The following FSTL1 variants were observed in gnomAD, a reference collection of about 807,000 sequenced individuals.
FSTL1 encodes the protein follistatin like 1.
In FSTL1, 24 loss-of-function variants were observed where a neutral mutation model predicts 45.9. The ratio of observed to expected loss-of-function variants is 0.52; its 90% CI spans 0.38 to 0.74. FSTL1 has a LOEUF of 0.74. Among genes scored for constraint, FSTL1 ranks in the 30% least tolerant of loss-of-function variants. FSTL1 has a pLI of 0.00. For synonymous variants in FSTL1, 120 were observed against 137.6 expected (o/e 0.87, Z 0.89); for missense variants, 340 against 381.8 (o/e 0.89, Z 0.91).
intron 2 of FSTL1, among the ~76,000 whole-genome samples, chr3:120,431,399 T>C (rs963753711): frequency 6.6e-6 from 1 of 152,260 alleles, no homozygotes; most frequent in Non-Finnish European, 1.5e-5. Context: ...TATTTTAGAC[T>C]TTTTTCATAC....
intron 7 of FSTL1, among the ~76,000 whole-genome samples, chr3:120,403,940 A>AAC (rs1936886950): frequency 2.3e-5 from 2 of 85,604 alleles, no homozygotes; most frequent in Admixed American, 1.1e-4. Context: ...AAAAAAAAAA[A>AAC]AAAACAAAAA....
chr3:120,413,871 C>T (rs1433348828), intron 3 of FSTL1, among the ~76,000 whole-genome samples: 4 of 129,184 alleles, frequency 3.1e-5, no homozygotes, highest in Non-Finnish European at 6.6e-5. Flanking sequence ...GCTGCCATCT[C>T]GGCTCACTGC....
intron 2 of FSTL1, among the ~76,000 whole-genome samples, chr3:120,436,286 G>GT (rs1241942338): frequency 1.3e-5 from 2 of 152,198 alleles, no homozygotes; most frequent in African/African-American, 4.8e-5. Context: ...TAAGTCTGCA[G>GT]TGAGTACTGA....
At chr3:120,450,799 T>A in intron 1 of FSTL1, 53 bp from the exon 2 acceptor site, 1 of 1,333,972 alleles carries the variant, frequency 7.5e-7, no homozygotes, top group African/African-American at 1.5e-5. Context: ...CGCGCTGACC[T>A]GGGAAACTTG....
intron 5 of FSTL1, chr3:120,410,093 A>G (rs1515577): frequency 0.42 from 67,501 of 159,114 alleles, 15,086 homozygotes; most frequent in Non-Finnish European, 0.48. Flanking sequence ...TCCCTTTCTC[A>G]CCAACTAGGT....
At chr3:120,424,746 G>C (rs1937346571) in intron 2 of FSTL1, among the ~76,000 whole-genome samples, 1 of 152,118 alleles carries the variant, frequency 6.6e-6, no homozygotes, top group Non-Finnish European at 1.5e-5. Context: ...GAGAGAGTCT[G>C]GGGGGCTGCC....
intron 4 of FSTL1, among the ~76,000 whole-genome samples, chr3:120,411,644 A>G (rs1937055261): frequency 6.6e-6 from 1 of 152,254 alleles, no homozygotes; most frequent in Admixed American, 6.5e-5. Flanking sequence ...CTGATATAGC[A>G]AACCCTGGGC....
In FSTL1 at chr3:120,450,747, C is replaced by T; in HGVS notation, c.1-1G>A. On this transcript the variant is annotated splice_acceptor_variant, in intron 1 of 10. Transcript: ENST00000295633. LOFTEE classifies it low-confidence loss of function (5UTR_SPLICE). Reference sequence around the variant, plus strand: ...CGAGCGCGAGCCAGCGTTTCCACATCTGCGGAAGAGAGAAGAGAGCGAGTC... The same window carrying T: ...CGAGCGCGAGCCAGCGTTTCCACATTTGCGGAAGAGAGAAGAGAGCGAGTC... 6.3e-7 allele frequency: 1 copy of T among 1,579,092 alleles called. No individual in the cohort carries two copies. The highest frequency in any genetic ancestry group is 8.6e-7 in the Non-Finnish European group (1 of 1,169,400).
chr3:120,440,958 GC>G (rs1392412139), intron 2 of FSTL1, among the ~76,000 whole-genome samples: 1 of 152,228 alleles, frequency 6.6e-6, no homozygotes, highest in African/African-American at 2.4e-5. Context: ...GCTGGCATCG[GC>G]CTGGCTGCAG....
chr3:120,392,473 C>A lies in FSTL1; in HGVS notation c.*4479G>T, dbSNP rs530668681. 79 of 152,282 alleles carry A rather than the reference C, an allele frequency of 5.2e-4. No individual in the cohort carries two copies. Among genetic ancestry groups the A allele is most frequent in the African/African-American group, 1.8e-3 (74 of 41,570 alleles). The allele number at this position is 152,282 out of a possible 1,614,324, so 9.4% of individuals were successfully genotyped here. A position where few individuals can be genotyped will look rare whatever the true frequency, so the allele number is the denominator to read the frequency against. Reference sequence around the variant, plus strand: ...TTGGCAGTCATGCATACTGGTGCAACTTCTTTGACTTTATAGGCAATCATA... The same window carrying A: ...TTGGCAGTCATGCATACTGGTGCAAATTCTTTGACTTTATAGGCAATCATA... On this transcript the variant is annotated 3_prime_UTR_variant, in exon 11 of 11. Coordinates refer to ENST00000295633, the MANE Select transcript of FSTL1 (RefSeq NM_007085.5).
chr3:120,410,452 T>C (rs184518384), intron 5 of FSTL1: 2 of 269,778 alleles, frequency 7.4e-6, no homozygotes, highest in East Asian at 1.9e-4. Context: ...TATATGGTAA[T>C]TACAATAAGA....
At chr3:120,440,931 A>C (rs1331113338) in intron 2 of FSTL1, among the ~76,000 whole-genome samples, 1 of 152,202 alleles carries the variant, frequency 6.6e-6, no homozygotes, top group African/African-American at 2.4e-5. Flanking sequence ...AGGGCCAGGA[A>C]GGGGTGGGCA....
At chr3:120,445,805 G>A (rs1004079330) in intron 2 of FSTL1, among the ~76,000 whole-genome samples, 3 of 149,974 alleles carry the variant, frequency 2.0e-5, no homozygotes, top group Non-Finnish European at 4.4e-5. Context: ...TGAGGGCAGA[G>A]ACCATGCCTT....
rs1440263096 is a variant in FSTL1, at chr3:120,442,896, C to T, written c.63+7788G>A. On this transcript the variant is annotated intron_variant, in intron 2 of 10. Transcript: ENST00000295633. ...AAACAGCAGACCCCCAGAACGGTCA[C>T]AAGGTAAGATAAAGTGAAGGGGAAC... Among the ~76,000 whole-genome samples the T allele has an allele frequency of 7.5e-5, 9 of 119,644 alleles. 2 individuals are homozygous for T. The highest frequency in any genetic ancestry group is 3.1e-4 in the Admixed American group (3 of 9,680). The allele number at this position is 119,644 out of a possible 152,430, so 78.5% of individuals were successfully genotyped here.
intron 2 of FSTL1, among the ~76,000 whole-genome samples, chr3:120,448,649 T>C (rs759238635): frequency 1.7e-4 from 26 of 152,330 alleles, no homozygotes; most frequent in Admixed American, 1.2e-3. Flanking sequence ...CCCAACGCAC[T>C]CTGTTTTCAC....
chr3:120,436,857 C>T (rs1198522253), intron 2 of FSTL1, among the ~76,000 whole-genome samples: 4 of 152,094 alleles, frequency 2.6e-5, no homozygotes, highest in Admixed American at 6.6e-5. Flanking sequence ...CTGCGTGCTC[C>T]GAGTATTTGT....
At chr3:120,439,241 C>T (rs966973503) in intron 2 of FSTL1, among the ~76,000 whole-genome samples, 1 of 152,184 alleles carries the variant, frequency 6.6e-6, no homozygotes, top group East Asian at 1.9e-4. Context: ...GACATTTCTT[C>T]CCAGGGGCTG....
intron 2 of FSTL1, among the ~76,000 whole-genome samples, chr3:120,439,661 C>T (rs1183556650): frequency 3.9e-5 from 6 of 152,216 alleles, no homozygotes; most frequent in Non-Finnish European, 8.8e-5. Flanking sequence ...GGCAGACAAG[C>T]CCTGTGCCAC....
intron 6 of FSTL1, among the ~76,000 whole-genome samples, chr3:120,405,753 A>G (rs974658062): frequency 1.3e-5 from 2 of 152,254 alleles, no homozygotes; most frequent in Admixed American, 6.5e-5. Context: ...CTCTATGGCA[A>G]GATGCTAAAC....
Sources: allele counts gnomAD v4.1 joint callset (sites outside exome capture counted in the v4.1 genomes callset), GRCh38; gene constraint gnomAD v4.1.1; transcripts MANE v1.5; gene names NCBI Gene and HGNC (gene_info 2026-07-23, HGNC 2026-07-21).